Variants in IRAK1BP1 observed in about 807,000 individuals in gnomAD.
IRAK1BP1 encodes the protein interleukin 1 receptor associated kinase 1 binding protein 1, also known as interleukin-1 receptor-associated kinase 1-binding protein 1.
IRAK1BP1 carries 24 observed loss-of-function variants against 28.0 expected under a neutral mutation model. The observed-to-expected ratio is 0.86, with a 90% CI of 0.62 to 1.20. The LOEUF (loss-of-function observed/expected upper bound fraction) is 1.20. Among genes scored for constraint, IRAK1BP1 ranks in the 50% most tolerant of loss-of-function variants. The pLI, the probability that IRAK1BP1 is intolerant of heterozygous loss-of-function variation, is 0.00. For missense variants in IRAK1BP1, 336 were observed against 316.7 expected, an observed-to-expected ratio of 1.06 and a Z score of -0.46; for synonymous variants, 131 against 116.3, an observed-to-expected ratio of 1.13 and a Z score of -0.81.
At chr6:78,963,007 GA>G in the IRAK1BP1 span, 33 of 1,273,954 alleles carry the variant, frequency 2.6e-5, no homozygotes, top group Non-Finnish European at 2.7e-5. Flanking sequence ...AGGATATTGT[GA>G]AAAAAAATTT....
At chr6:78,952,053 A>G in the IRAK1BP1 span, among the ~76,000 whole-genome samples, 5,607 of 152,154 alleles carry the variant, frequency 0.037, 100 homozygotes, top group Middle Eastern at 0.058. Flanking sequence ...TTTCACTCTT[A>G]TTCTAGGTAA....
the IRAK1BP1 span, chr6:78,978,771 C>G: frequency 1.0e-5 from 14 of 1,342,188 alleles, no homozygotes; most frequent in East Asian, 3.1e-4. Context: ...ATCCACAAAT[C>G]TACTCTTTAA....
intron 1 of IRAK1BP1, among the ~76,000 whole-genome samples, chr6:78,879,175 G>C (rs1025578435): frequency 6.6e-6 from 1 of 151,964 alleles, no homozygotes; most frequent in African/African-American, 2.4e-5. Context: ...ACAGGATGGG[G>C]AACATCACAC....
chr6:78,896,375 A>G (rs1426014661), intron 2 of IRAK1BP1, among the ~76,000 whole-genome samples: 1 of 152,042 alleles, frequency 6.6e-6, no homozygotes, highest in East Asian at 1.9e-4. Context: ...CATGTAACGA[A>G]TACTATTCAG....
chr6:78,967,966 C>T, the IRAK1BP1 span, among the ~76,000 whole-genome samples: 1 of 151,654 alleles, frequency 6.6e-6, no homozygotes, highest in Non-Finnish European at 1.5e-5. Context: ...AACCCTGTCT[C>T]TACTAAAAAT....
Position 78,898,779 on chromosome 6 carries a change from T to C in IRAK1BP1, c.*445T>C, listed in dbSNP as rs1771997186. On this transcript the variant is annotated 3_prime_UTR_variant, in exon 4 of 4. Coordinates refer to ENST00000369940, the MANE Select transcript of IRAK1BP1 (RefSeq NM_001010844.4). ...ATTTTTTAAATTGTAAGACAAAATT[T>C]TTATGGAAAAGAATTCCTATATCCC... The C allele has an allele frequency of 6.6e-6, 1 of 152,134 alleles. No homozygotes were observed. The highest frequency in any genetic ancestry group is 1.5e-5 in the Non-Finnish European group (1 of 68,024). The allele number at this position is 152,134 out of a possible 1,614,324, so 9.4% of individuals were successfully genotyped here. A position where few individuals can be genotyped will look rare whatever the true frequency, so the allele number is the denominator to read the frequency against.
At chr6:78,947,470 T>C (rs186723901), downstream of IRAK1BP1, among the ~76,000 whole-genome samples, 27 of 152,274 alleles carry the variant, frequency 1.8e-4, no homozygotes, top group Admixed American at 1.4e-3. Flanking sequence ...AGGAGCTGAG[T>C]AGAAAGGTAT....
At chr6:78,962,682 T>A in the IRAK1BP1 span, among the ~76,000 whole-genome samples, 8 of 152,250 alleles carry the variant, frequency 5.3e-5, no homozygotes, top group African/African-American at 1.9e-4. Context: ...CCCTCTCCTC[T>A]CCCCTTAAGA....
chr6:78,965,937 T>C, the IRAK1BP1 span: 2 of 1,578,972 alleles, frequency 1.3e-6, no homozygotes, highest in Admixed American at 1.7e-5. Context: ...CAACAAATAT[T>C]TCCTTACCAA....
downstream of IRAK1BP1, among the ~76,000 whole-genome samples, chr6:78,903,681 A>G (rs917969602): frequency 1.3e-5 from 2 of 151,906 alleles, no homozygotes; most frequent in South Asian, 4.2e-4. Flanking sequence ...AGCCTCCCAA[A>G]TGCCATGTCG....
intron 4 of IRAK1BP1, chr6:78,937,080 A>G (rs1773298467): frequency 6.6e-6 from 1 of 151,808 alleles, no homozygotes; most frequent in South Asian, 2.1e-4. Context: ...GACTTTTAAA[A>G]TCATGTAACT....
chr6:78,889,023 G>A (rs1384927884), intron 2 of IRAK1BP1, among the ~76,000 whole-genome samples: 1 of 151,010 alleles, frequency 6.6e-6, no homozygotes, highest in African/African-American at 2.4e-5. Flanking sequence ...AAGCTGGGGT[G>A]GGAGGATTGC....
intron 4 of IRAK1BP1, among the ~76,000 whole-genome samples, chr6:78,930,194 C>G (rs1179178409): frequency 6.6e-6 from 1 of 152,122 alleles, no homozygotes; most frequent in South Asian, 2.1e-4. Context: ...GCTGAGATTA[C>G]AGTTGTGCAC....
the IRAK1BP1 span, among the ~76,000 whole-genome samples, chr6:78,960,959 G>T: frequency 1.6e-4 from 24 of 152,044 alleles, no homozygotes; most frequent in African/African-American, 5.3e-4. Context: ...AACTTTTAAT[G>T]CAATGTTACA....
intron 1 of IRAK1BP1, among the ~76,000 whole-genome samples, chr6:78,869,318 G>A (rs1398609833): frequency 6.6e-6 from 1 of 152,044 alleles, no homozygotes; most frequent in East Asian, 1.9e-4. Context: ...CCAGGAGTTC[G>A]AGACCAGCCT....
rs568977967 is a variant in IRAK1BP1, at chr6:78,892,873, G to A, written c.382-4956G>A. Among the ~76,000 whole-genome samples the A allele has an allele frequency of 3.9e-5, 6 of 152,102 alleles. No individual in the cohort carries two copies. In the South Asian group the frequency reaches 1.2e-3, roughly 32 times the overall value. ...TGTAGCAATAAAAAGTATCCATAAT[G>A]AAACACAGAAAAGAAAGATGTAAAA... On this transcript the variant is annotated intron_variant, in intron 2 of 3. Transcript: ENST00000369940.
At chr6:78,869,019 T>C (rs993934512) in intron 1 of IRAK1BP1, among the ~76,000 whole-genome samples, 2 of 152,178 alleles carry the variant, frequency 1.3e-5, no homozygotes, top group East Asian at 1.9e-4. Context: ...ATACAAGTTA[T>C]TACAAAGTCA....
chr6:78,934,372 T>C (rs1562104447), intron 4 of IRAK1BP1, among the ~76,000 whole-genome samples: 3 of 152,264 alleles, frequency 2.0e-5, no homozygotes, highest in African/African-American at 4.8e-5. Flanking sequence ...GCTGGATGCA[T>C]GGTTACCAGT....
At chr6:78,963,467 C>T in the IRAK1BP1 span, among the ~76,000 whole-genome samples, 2 of 152,068 alleles carry the variant, frequency 1.3e-5, no homozygotes, top group Non-Finnish European at 2.9e-5. Context: ...TAAATAATTA[C>T]TTCTCCAAAA....
Sources: gnomAD v4.1 joint callset for allele counts (sites outside exome capture counted in the v4.1 genomes callset) on GRCh38, gnomAD v4.1.1 for gene constraint, MANE v1.5 for transcripts, NCBI Gene and HGNC (gene_info 2026-07-23, HGNC 2026-07-21) for gene names.